BIRC6: variants seen among roughly 807,000 people sequenced by gnomAD.
The protein encoded by BIRC6 is baculoviral IAP repeat containing 6, also known as dual E2 ubiquitin-conjugating enzyme/E3 ubiquitin-protein ligase BIRC6.
A neutral mutation model predicts 503.3 loss-of-function variants in BIRC6; 98 were observed. The observed-to-expected ratio is 0.19, with a 90% CI of 0.17 to 0.23. BIRC6 has a LOEUF of 0.23. BIRC6 is among the 10% of genes least tolerant of loss of function. The pLI, the probability that BIRC6 is intolerant of heterozygous loss-of-function variation, is 1.00. For missense variants in BIRC6, 5,360 were observed against 5,806.0 expected (o/e 0.92, Z 2.50); for synonymous variants, 2,240 against 2,078.7 (o/e 1.08, Z -2.11).
At chr2:32,421,050 C>T (rs1242435513) in intron 10 of BIRC6, among the ~76,000 whole-genome samples, 1 of 149,746 alleles carries the variant, frequency 6.7e-6, no homozygotes, top group African/African-American at 2.5e-5. Context: ...ATTATTTCCT[C>T]CCCTCTGCTT....
chr2:32,402,357 A>T (rs969710995), intron 8 of BIRC6, among the ~76,000 whole-genome samples: 2 of 152,162 alleles, frequency 1.3e-5, no homozygotes, highest in African/African-American at 4.8e-5. Context: ...GGAGCTATTT[A>T]ACTGTGATCA....
chr2:32,534,351 G>A (rs183163928), intron 61 of BIRC6, among the ~76,000 whole-genome samples: 246 of 142,806 alleles, frequency 1.7e-3, no homozygotes, highest in Middle Eastern at 3.8e-3. Flanking sequence ...TCAAGCTTGG[G>A]TGACAAGAGT....
chr2:32,446,546 C>T (rs1018016814), intron 21 of BIRC6, among the ~76,000 whole-genome samples: 1 of 151,996 alleles, frequency 6.6e-6, no homozygotes, highest in Non-Finnish European at 1.5e-5. Flanking sequence ...TAATGATTCA[C>T]GGGAGAGAAT....
chr2:32,365,280 A>G (rs950794417), intron 1 of BIRC6, among the ~76,000 whole-genome samples: 1 of 151,976 alleles, frequency 6.6e-6, no homozygotes, highest in Non-Finnish European at 1.5e-5. Flanking sequence ...ATAAACTGAT[A>G]CATACAGAAT....
In BIRC6 at chr2:32,365,108, G is replaced by A. The variant is rs180759357; in HGVS notation, c.325+7622G>A. Among the ~76,000 whole-genome samples the A allele has an allele frequency of 2.9e-3, 443 of 152,134 alleles. 5 individuals are homozygous for A. Among genetic ancestry groups the A allele is most frequent in the Admixed American group, 0.027 (406 of 15,262 alleles). ...TTTTGGGCTATGAATATGTACTTTG[G>A]CTCTGTTTCTGGTGACTGACTTTAG... On this transcript the variant is annotated intron_variant, in intron 1 of 73. Transcript: ENST00000421745.
chr2:32,388,439 A>C (rs2038790558), intron 3 of BIRC6, among the ~76,000 whole-genome samples: 1 of 151,706 alleles, frequency 6.6e-6, no homozygotes, highest in Admixed American at 6.6e-5. Flanking sequence ...TCACCAGATC[A>C]CTAAAATTAA....
intron 47 of BIRC6, 65 bp from the exon 48 acceptor site, chr2:32,502,730 G>A: frequency 8.4e-7 from 1 of 1,195,856 alleles, no homozygotes; most frequent in Non-Finnish European, 1.2e-6. Flanking sequence ...AATATTACAT[G>A]CATTGAGTTT....
intron 62 of BIRC6, among the ~76,000 whole-genome samples, chr2:32,544,098 TAGC>T (rs2057879813): frequency 6.6e-6 from 1 of 152,192 alleles, no homozygotes; most frequent in South Asian, 2.1e-4. Flanking sequence ...GGGGATAAGT[TAGC>T]AGATGAAAAT....
rs201116141 is a variant in BIRC6, at chr2:32,499,834, T to C, written c.8756T>C (p.Met2919Thr). 1.9e-4 allele frequency: 306 copies of C among 1,614,058 alleles called. No individual in the cohort carries two copies. The highest frequency in any genetic ancestry group is 1.0e-4 in the Non-Finnish European group (118 of 1,179,910). The change falls in exon 46 of 74, where the codon ATG (methionine) becomes ACG (threonine). Residue 2919 changes from methionine (M) to threonine (T), a missense_variant. Met to Thr is a moderately conservative substitution (Grantham distance 81). Around this residue, in one of 16 missense-constraint regions of BIRC6, gnomAD observed 2,299 missense variants for 2,267.2 expected, o/e 1.01. Transcript: ENST00000421745. Reference sequence around the variant, plus strand: ...GGCGAAATGACAAGAGATCAACTCATGTTTGATTTGTTAAAACTTGTTAAC... The same window carrying C: ...GGCGAAATGACAAGAGATCAACTCACGTTTGATTTGTTAAAACTTGTTAAC... ...VCGEMTRDQL[M>T]FDLLKLVNIL... is the part of the protein sequence containing the mutation.
At position 32,490,022 on chromosome 2, in the gene BIRC6, C is replaced by T; in HGVS notation, c.8096-19C>T. 1 of 1,505,936 alleles carries T rather than the reference C, an allele frequency of 6.6e-7. No individual in the cohort carries two copies. Among genetic ancestry groups the T allele is most frequent in the Non-Finnish European group, 9.2e-7 (1 of 1,089,852 alleles). 93.3% of individuals were successfully genotyped at this position (1,505,936 alleles called of 1,614,324 possible). ...ATTGTTTTTCTGAAAAATATTTTCC[C>T]TTTCTCTTTTCTGCATAGCATCAAT... is the stretch of plus-strand genomic sequence containing the variant. On this transcript the variant is annotated intron_variant, in intron 42 of 73. Transcript: ENST00000421745.
chr2:32,528,836 A>G (rs1005915331), intron 59 of BIRC6: 8 of 152,142 alleles, frequency 5.3e-5, no homozygotes, highest in East Asian at 1.9e-4. Context: ...CCTTAAGGCT[A>G]TGTATATAAG....
In BIRC6 at chr2:32,508,276, C is replaced by CTTTCTTTTTT. The variant is rs2054007707; in HGVS notation, c.9980+20_9980+21insCTTTTTTTTT. 1 of 695,576 alleles carries CTTTCTTTTTT rather than the reference C, an allele frequency of 1.4e-6. No homozygotes were observed. The highest frequency in any genetic ancestry group is 1.8e-6 in the Non-Finnish European group (1 of 558,278). 43.1% of individuals were successfully genotyped at this position (695,576 alleles called of 1,614,324 possible). On this transcript the variant is annotated intron_variant, in intron 51 of 73. Transcript: ENST00000421745. Reference sequence around the variant, plus strand: ...CAAAACAAGGTATGTTTTGTTTGTCCTTTTTTTTTTTTTTTTTTTTTTTTT... The same window carrying CTTTCTTTTTT: ...CAAAACAAGGTATGTTTTGTTTGTCCTTTCTTTTTTTTTTTTTTTTTTTTTTTTTTTTTTT...
chr2:32,493,573 T>G lies in BIRC6; in HGVS notation c.8374T>G (p.Phe2792Val), dbSNP rs768267393. The change falls in exon 45 of 74, where the codon TTT becomes GTT. Residue 2792 changes from phenylalanine to valine, a missense_variant. This residue lies in a region of BIRC6 where 2,299 missense variants were observed against 2,267.2 expected (regional missense o/e 1.01). Transcript: ENST00000421745. ...TACAGCTACACAAGCTATGCAAGAATTTCTTACTCGATTACAAGTGCATCT... is the reference window on the plus strand; with the variant it reads ...TACAGCTACACAAGCTATGCAAGAAGTTCTTACTCGATTACAAGTGCATCT... ...GPTATQAMQEFLTRLQVHLSS... is the reference protein window; with the variant it reads ...GPTATQAMQEVLTRLQVHLSS... The G allele has an allele frequency of 1.9e-6, 3 of 1,611,124 alleles. No individual in the cohort carries two copies. The South Asian group carries it at 3.3e-5, about 18-fold the overall frequency.
At chr2:32,586,116 A>G (rs1213151038) in intron 66 of BIRC6, among the ~76,000 whole-genome samples, 2 of 152,132 alleles carry the variant, frequency 1.3e-5, no homozygotes, top group Non-Finnish European at 2.9e-5. Flanking sequence ...ATATACCACT[A>G]CTACCCACTA....
At position 32,545,756 on chromosome 2, in the gene BIRC6, C is replaced by T. The variant is rs764789666; in HGVS notation, c.12706C>T (p.Arg4236Trp). Residue 4236 changes from arginine (R) to tryptophan (W), a missense_variant, in exon 63 of 74, where the codon CGG becomes TGG. Physicochemically the swap from Arg to Trp is moderately radical, Grantham distance 101 (BLOSUM62 -3). This residue lies in a region of BIRC6 where 477 missense variants were observed against 574.4 expected (regional missense o/e 0.83). Coordinates refer to ENST00000421745, the MANE Select transcript of BIRC6 (RefSeq NM_016252.4). ...LTTDDGVLLRRMALEIGALHL... is the reference protein window; with the variant it reads ...LTTDDGVLLRWMALEIGALHL... ...AACTGATGATGGTGTACTTCTAAGGCGGATGGCATTGGAAATTGGAGCCTT... is the reference window on the plus strand; with the variant it reads ...AACTGATGATGGTGTACTTCTAAGGTGGATGGCATTGGAAATTGGAGCCTT... The T allele has an allele frequency of 1.5e-5, 24 of 1,613,686 alleles. No individual in the cohort carries two copies. The highest frequency in any genetic ancestry group is 2.7e-5 in the African/African-American group (2 of 74,876).
intron 66 of BIRC6, among the ~76,000 whole-genome samples, chr2:32,585,402 CA>C (rs1391171982): frequency 6.7e-6 from 1 of 148,170 alleles, no homozygotes; most frequent in Non-Finnish European, 1.5e-5. Flanking sequence ...TTTTTTGAGA[CA>C]AAGTCTCACT....
At chr2:32,423,680 C>T (rs72798782) in intron 10 of BIRC6, among the ~76,000 whole-genome samples, 2,091 of 152,284 alleles carry the variant, frequency 0.014, 22 homozygotes, top group Non-Finnish European at 0.023. Flanking sequence ...ATCCACCCCC[C>T]CAATCCCTGC....
chr2:32,497,425 AG>A (rs1312804514), intron 45 of BIRC6, among the ~76,000 whole-genome samples: 2 of 152,224 alleles, frequency 1.3e-5, no homozygotes, highest in East Asian at 1.9e-4. Flanking sequence ...ATTCTGAAAG[AG>A]GTTGTGTAAT....
At chr2:32,466,370 C>T (rs4952213) in intron 26 of BIRC6, among the ~76,000 whole-genome samples, 149,601 of 152,328 alleles carry the variant, frequency 0.98, 73,512 homozygotes, top group Middle Eastern at 1. Context: ...CTTTACCTAT[C>T]TCATCTGGCA....
Sources: gnomAD v4.1 joint callset for allele counts (sites outside exome capture counted in the v4.1 genomes callset) on GRCh38, gnomAD v4.1.1 for gene constraint, gnomAD v4.1.1 regional missense constraint, MANE v1.5 for transcripts, NCBI Gene and HGNC (gene_info 2026-07-23, HGNC 2026-07-21) for gene names.